The following RUNX1 variants were observed in gnomAD, a reference collection of about 807,000 sequenced individuals.
The protein encoded by RUNX1 is RUNX family transcription factor 1.
A neutral mutation model predicts 42.8 loss-of-function variants in RUNX1; 19 were observed. That is an observed-to-expected ratio of 0.44 (90% confidence interval 0.31 to 0.65). The LOEUF is 0.65. Among genes scored for constraint, RUNX1 ranks in the 30% least tolerant of loss-of-function variants. RUNX1 has a pLI of 0.07. For synonymous variants in RUNX1, 271 were observed against 289.4 expected, an observed-to-expected ratio of 0.94 and a Z score of 0.64; for missense variants, 528 against 672.0, an observed-to-expected ratio of 0.79 and a Z score of 2.37.
chr21:34,840,055 G>T (rs1055343715), intron 6 of RUNX1, among the ~76,000 whole-genome samples: 1 of 152,080 alleles, frequency 6.6e-6, no homozygotes, highest in Admixed American at 6.5e-5. Context: ...GTGTGTGACC[G>T]TCTCTGTCTC....
At position 34,864,693 on chromosome 21, in the gene RUNX1, C is replaced by T. The variant is rs545808539; in HGVS notation, c.509-5115G>A. Among the ~76,000 whole-genome samples the T allele has an allele frequency of 1.2e-4, 19 of 152,340 alleles. No individual in the cohort carries two copies. The East Asian group carries it at 3.5e-3, about 28-fold the overall frequency. ...GGTAAACAAGGGGTAAACACCAAGT[C>T]CTTCCTCCTGCTCACTGAACCCTGA... On this transcript the variant is annotated intron_variant, in intron 5 of 8. Coordinates refer to ENST00000675419, the MANE Select transcript of RUNX1 (RefSeq NM_001754.5).
At chr21:35,014,388 C>T (rs1396291474) in intron 2 of RUNX1, among the ~76,000 whole-genome samples, 4 of 152,196 alleles carry the variant, frequency 2.6e-5, no homozygotes, top group Non-Finnish European at 5.9e-5. Flanking sequence ...GGCATAGACA[C>T]ACTTGATTAG....
At chr21:34,961,620 G>T (rs1237886156) in intron 2 of RUNX1, among the ~76,000 whole-genome samples, 1 of 152,092 alleles carries the variant, frequency 6.6e-6, no homozygotes, top group African/African-American at 2.4e-5. Context: ...TGACTTTAAG[G>T]CAAGCAGTAG....
intron 2 of RUNX1, among the ~76,000 whole-genome samples, chr21:34,896,360 AG>A (rs1217294896): frequency 6.6e-6 from 1 of 152,142 alleles, no homozygotes; most frequent in Non-Finnish European, 1.5e-5. Context: ...AGCTAGGAAA[AG>A]AAAGAGGAGA....
intron 2 of RUNX1, among the ~76,000 whole-genome samples, chr21:34,949,192 A>C (rs1207381103): frequency 6.6e-6 from 1 of 152,190 alleles, no homozygotes; most frequent in Non-Finnish European, 1.5e-5. Context: ...ATTTGACCTA[A>C]AAGTGGGGGA....
chr21:35,000,541 C>A (rs1301111604), intron 2 of RUNX1, among the ~76,000 whole-genome samples: 1 of 152,040 alleles, frequency 6.6e-6, no homozygotes, highest in Non-Finnish European at 1.5e-5. Context: ...CACCCAGCCT[C>A]ATATAATTTT....
chr21:34,899,400 A>ATC (rs749001761), intron 2 of RUNX1, among the ~76,000 whole-genome samples: 120 of 151,058 alleles, frequency 7.9e-4, no homozygotes, highest in African/African-American at 2.0e-3. Flanking sequence ...GACCAGATTG[A>ATC]TCTCTCTCTC....
chr21:34,988,498 T>C (rs962804488), intron 2 of RUNX1, among the ~76,000 whole-genome samples: 10 of 152,126 alleles, frequency 6.6e-5, no homozygotes, highest in Non-Finnish European at 1.0e-4. Flanking sequence ...CATCTAGTAC[T>C]TTCAAAAACT....
intron 2 of RUNX1, among the ~76,000 whole-genome samples, chr21:34,981,222 G>A (rs185449193): frequency 9.5e-4 from 144 of 152,314 alleles, no homozygotes; most frequent in African/African-American, 3.4e-3. Context: ...CCAATCTGAT[G>A]TGAGAAAAAT....
At chr21:34,980,174 C>T (rs896673725) in intron 2 of RUNX1, among the ~76,000 whole-genome samples, 1 of 152,238 alleles carries the variant, frequency 6.6e-6, no homozygotes, top group Non-Finnish European at 1.5e-5. Flanking sequence ...TGTGGAGCCC[C>T]ACTGAGTCTC....
intron 7 of RUNX1, among the ~76,000 whole-genome samples, chr21:34,801,691 G>T (rs1258363851): frequency 2.0e-5 from 3 of 152,226 alleles, no homozygotes; most frequent in African/African-American, 7.2e-5. Flanking sequence ...TTCATTGCCA[G>T]TGGTGGGCCA....
chr21:34,811,222 C>T (rs966793222), intron 7 of RUNX1, among the ~76,000 whole-genome samples: 1 of 152,144 alleles, frequency 6.6e-6, no homozygotes, highest in African/African-American at 2.4e-5. Flanking sequence ...GATATCCTGA[C>T]AAAGGGAAGT....
At chr21:35,022,577 A>T (rs1384796772) in intron 2 of RUNX1, among the ~76,000 whole-genome samples, 1 of 152,234 alleles carries the variant, frequency 6.6e-6, no homozygotes, top group Admixed American at 6.5e-5. Flanking sequence ...AAGTGCATAT[A>T]GATCTTTGTA....
At position 34,789,615 on chromosome 21, in the gene RUNX1, CACAT is replaced by C. The variant is rs2056411117; in HGVS notation, c.*2516_*2519del. ...ACACACACACACACGCACACACACA[CACAT>C]ACAAAAATGTGTTGCGTGAGACCTA... is the stretch of plus-strand genomic sequence containing the variant. On this transcript the variant is annotated 3_prime_UTR_variant, in exon 9 of 9. Coordinates refer to ENST00000675419, the MANE Select transcript of RUNX1 (RefSeq NM_001754.5). The C allele has an allele frequency of 8.6e-6, 2 of 233,486 alleles. No individual in the cohort carries two copies. Among genetic ancestry groups the C allele is most frequent in the South Asian group, 1.8e-4 (1 of 5,530 alleles). The allele number at this position is 233,486 out of a possible 1,614,324, so 14.5% of individuals were successfully genotyped here.
At chr21:34,970,266 T>C (rs901688621) in intron 2 of RUNX1, among the ~76,000 whole-genome samples, 1 of 152,232 alleles carries the variant, frequency 6.6e-6, no homozygotes, top group Non-Finnish European at 1.5e-5. Flanking sequence ...GGAGACGTGG[T>C]GGAGAGATAT....
At chr21:34,885,513 T>C (rs1287459453) in intron 4 of RUNX1, among the ~76,000 whole-genome samples, 1 of 152,230 alleles carries the variant, frequency 6.6e-6, no homozygotes, top group Non-Finnish European at 1.5e-5. Flanking sequence ...AAACTGCTTT[T>C]AGAAAAGTGA....
intron 2 of RUNX1, among the ~76,000 whole-genome samples, chr21:34,927,796 T>C (rs1337760036): frequency 6.6e-6 from 1 of 152,220 alleles, no homozygotes; most frequent in Non-Finnish European, 1.5e-5. Context: ...AATCAAACTG[T>C]ATATTTGGTT....
At chr21:34,893,311 G>A (rs540088721) in intron 2 of RUNX1, among the ~76,000 whole-genome samples, 1 of 152,194 alleles carries the variant, frequency 6.6e-6, no homozygotes, top group South Asian at 2.1e-4. Flanking sequence ...GAATTCAAGG[G>A]AAAATTAAAA....
At chr21:34,829,946 G>A (rs2057040174) in intron 7 of RUNX1, 2 of 152,216 alleles carry the variant, frequency 1.3e-5, no homozygotes, top group Admixed American at 1.3e-4. Context: ...GAGAGAATCA[G>A]ACGGACTTAA....
Sources: allele counts gnomAD v4.1 joint callset (sites outside exome capture counted in the v4.1 genomes callset), GRCh38; gene constraint gnomAD v4.1.1; transcripts MANE v1.5; gene names NCBI Gene and HGNC (gene_info 2026-07-23, HGNC 2026-07-21).